Variants in GCLM observed in about 807,000 individuals in gnomAD.
GCLM encodes the protein glutamate-cysteine ligase modifier subunit, also known as glutamate--cysteine ligase regulatory subunit.
GCLM carries 15 observed loss-of-function variants against 36.0 expected under a neutral mutation model. That is an observed-to-expected ratio of 0.42 (90% CI 0.28 to 0.64). The LOEUF (loss-of-function observed/expected upper bound fraction) is 0.64, where lower values mean the gene tolerates loss of function less well. Ranked by LOEUF, GCLM falls within the 30% of genes least tolerant of loss-of-function variation. The pLI, the probability that GCLM is intolerant of heterozygous loss-of-function variation, is 0.25. For synonymous variants in GCLM, 129 were observed against 122.8 expected, an observed-to-expected ratio of 1.05 and a Z score of -0.34; for missense variants, 242 against 325.5, an observed-to-expected ratio of 0.74 and a Z score of 1.97.
At chr1:93,904,318 G>A in intron 2 of GCLM, 1 of 540,882 alleles carries the variant, frequency 1.8e-6, no homozygotes, top group East Asian at 3.4e-5. Flanking sequence ...CTAGTATCTT[G>A]TCTGGTTAAA....
At chr1:93,905,034 C>T (rs906100507) in intron 1 of GCLM, among the ~76,000 whole-genome samples, 7 of 151,774 alleles carry the variant, frequency 4.6e-5, no homozygotes, top group African/African-American at 1.7e-4. Context: ...ATCATGTGGG[C>T]CTAGTAGTGC....
At position 93,901,630 on chromosome 1, in the gene GCLM, C is replaced by T. The variant is rs1656953195; in HGVS notation, c.232G>A (p.Val78Ile). ...CTTTCATCAGGATTTATCTTTTCTA[C>T]TGCATGAGATACAGTGCATTCCAAG... Reference protein sequence around the residue: ...DVLECTVSHAVEKINPDEREE... With the variant: ...DVLECTVSHAIEKINPDEREE... Residue 78 changes from valine (V) to isoleucine (I), a missense_variant, in exon 3 of 7, where the codon GTA becomes ATA. Physicochemically the swap from Val to Ile is conservative, Grantham distance 29 (BLOSUM62 3). Transcript: ENST00000370238. The T allele has an allele frequency of 6.3e-7, 1 of 1,582,200 alleles. No homozygotes were observed. Among genetic ancestry groups the T allele is most frequent in the Middle Eastern group, 1.7e-4 (1 of 5,794 alleles).
Position 93,889,087 on chromosome 1 carries a change from A to C in GCLM, c.728T>G (p.Val243Gly), listed in dbSNP as rs1436979582. 1 of 1,603,376 alleles carries C rather than the reference A, an allele frequency of 6.2e-7. No individual in the cohort carries two copies. The change falls in exon 7 of 7, where the codon GTG becomes GGG. Residue 243 changes from valine (V) to glycine (G), a missense_variant. Physicochemically the swap from Val to Gly is moderately radical, Grantham distance 109 (BLOSUM62 -3). Transcript: ENST00000370238. ...CGAATACCGCAGTAGCCACAGCGGC[A>C]CCCACTCGTGCGCTTGAATGTCAGG... ...SIPDIQAHEW[V>G]PLWLLRYSVI...
chr1:93,901,026 T>C (rs1656929231), intron 3 of GCLM, among the ~76,000 whole-genome samples: 2 of 152,342 alleles, frequency 1.3e-5, no homozygotes, highest in South Asian at 4.1e-4. Flanking sequence ...TTTTAATGAC[T>C]ATGCTATGCT....
At chr1:93,895,789 C>T (rs1656704887) in intron 5 of GCLM, among the ~76,000 whole-genome samples, 1 of 151,974 alleles carries the variant, frequency 6.6e-6, no homozygotes, top group African/African-American at 2.4e-5. Flanking sequence ...GTTATTAGAC[C>T]AGAGAGTGGG....
chr1:93,896,135 T>G (rs2100913136), intron 5 of GCLM, among the ~76,000 whole-genome samples: 1 of 151,782 alleles, frequency 6.6e-6, no homozygotes, highest in South Asian at 2.1e-4. Flanking sequence ...GCTAATTTTT[T>G]TATTTTTAGT....
chr1:93,906,163 G>C (rs888837743), intron 1 of GCLM, among the ~76,000 whole-genome samples: 14 of 152,148 alleles, frequency 9.2e-5, no homozygotes, highest in African/African-American at 3.4e-4. Context: ...AACTACCTAT[G>C]TTAAGATTTA....
At chr1:93,908,851 C>T (rs1657247976) in intron 1 of GCLM, 187 bp downstream of exon 1, 1 of 406,016 alleles carries the variant, frequency 2.5e-6, no homozygotes. Flanking sequence ...ACGCGTTGCC[C>T]TCGGCAGCGG....
intron 6 of GCLM, among the ~76,000 whole-genome samples, chr1:93,894,168 G>A (rs911411047): frequency 6.6e-6 from 1 of 152,054 alleles, no homozygotes; most frequent in African/African-American, 2.4e-5. Flanking sequence ...TGAGGCAGGA[G>A]GAGAGCTTGA....
In GCLM at chr1:93,904,564, A is replaced by C. The variant is rs1405789475; in HGVS notation, c.151T>G (p.Leu51Val). Residue 51 changes from leucine (L) to valine (V), a missense_variant, in exon 2 of 7, where the codon TTG becomes GTG. By Grantham distance (32) the Leu-to-Val change is conservative. Transcript: ENST00000370238. The stretch of plus-strand genomic sequence containing the variant: ...TTGATTTGGGAACTCCATTCATTCA[A>C]GGTTTTTTGGATACAATCATGAAGC... ...EELHDCIQKT[L>V]NEWSSQINPD... is the part of the protein sequence containing the mutation. 2 of 1,611,726 alleles carry C rather than the reference A, an allele frequency of 1.2e-6. No individual in the cohort carries two copies. Among genetic ancestry groups the C allele is most frequent in the South Asian group, 2.2e-5 (2 of 91,040 alleles).
Position 93,903,173 on chromosome 1 carries a change from C to T in GCLM, c.192+1350G>A, listed in dbSNP as rs1383876331. Among the ~76,000 whole-genome samples, 3 of 152,038 alleles carry T rather than the reference C, an allele frequency of 2.0e-5. No homozygotes were observed. The East Asian group carries it at 5.8e-4, about 29-fold the overall frequency. ...AATGGAGCTGCTATAAATATCCATG[C>T]ATAGGTCTGTGTGTGGAAATAAGTT... is the stretch of plus-strand genomic sequence containing the variant. On this transcript the variant is annotated intron_variant, in intron 2 of 6. Transcript: ENST00000370238.
At chr1:93,889,395 G>A (rs964343185) in intron 6 of GCLM, among the ~76,000 whole-genome samples, 2 of 152,010 alleles carry the variant, frequency 1.3e-5, no homozygotes, top group African/African-American at 4.8e-5. Context: ...TTAACTTTTG[G>A]TGAGTGGAGC....
chr1:93,907,102 C>A (rs533494150), intron 1 of GCLM, among the ~76,000 whole-genome samples: 1 of 152,160 alleles, frequency 6.6e-6, no homozygotes, highest in Non-Finnish European at 1.5e-5. Context: ...TTCAGTGAAG[C>A]GGAACTGTTC....
At chr1:93,897,149 T>A (rs950415574) in intron 4 of GCLM, among the ~76,000 whole-genome samples, 3 of 152,140 alleles carry the variant, frequency 2.0e-5, no homozygotes, top group Admixed American at 1.3e-4. Flanking sequence ...TTTTAGTAGC[T>A]CCCTTATCTT....
chr1:93,894,756 CACT>C (rs772523300), intron 5 of GCLM, 28 bp from the exon 6 acceptor site: 15 of 1,018,170 alleles, frequency 1.5e-5, no homozygotes, highest in Non-Finnish European at 2.4e-5. Context: ...ATCATGATAT[CACT>C]ACTAAATTAA....
At chr1:93,908,974 G>A (rs2100932530) in intron 1 of GCLM, 64 bp downstream of exon 1, 1 of 1,327,052 alleles carries the variant, frequency 7.5e-7, no homozygotes, top group Non-Finnish European at 9.7e-7. Context: ...CTCCCTTGCC[G>A]GAACCGCCCG....
chr1:93,885,234 T>C lies in GCLM; in HGVS notation c.*3756A>G, dbSNP rs1656263112. 6.6e-6 allele frequency: 1 copy of C among 152,234 alleles called. No individual in the cohort carries two copies. The highest frequency in any genetic ancestry group is 6.5e-5 in the Admixed American group (1 of 15,288). The allele number at this position is 152,234 out of a possible 1,614,324, so 9.4% of individuals were successfully genotyped here. On this transcript the variant is annotated 3_prime_UTR_variant, in exon 7 of 7. Transcript: ENST00000370238. ...TTTAAATTATTAATTTATTTTCAAA[T>C]CATACTCAGTTTGAGTTCAAATAGT...
At chr1:93,895,265 C>G (rs1656687857) in intron 5 of GCLM, among the ~76,000 whole-genome samples, 1 of 152,096 alleles carries the variant, frequency 6.6e-6, no homozygotes, top group African/African-American at 2.4e-5. Context: ...ATCTACCCAC[C>G]TCGGCCTCCC....
chr1:93,899,926 G>A (rs923316986), intron 3 of GCLM, among the ~76,000 whole-genome samples: 1 of 151,988 alleles, frequency 6.6e-6, no homozygotes, highest in Non-Finnish European at 1.5e-5. Context: ...AGACAAACAG[G>A]TAGAGTAGCA....
Sources: gnomAD v4.1 joint callset for allele counts (sites outside exome capture counted in the v4.1 genomes callset) on GRCh38, gnomAD v4.1.1 for gene constraint, MANE v1.5 for transcripts, NCBI Gene and HGNC (gene_info 2026-07-23, HGNC 2026-07-21) for gene names.